PCDH9: variants seen among roughly 807,000 people sequenced by gnomAD.
PCDH9 encodes protocadherin 9.
A neutral mutation model predicts 70.6 loss-of-function variants in PCDH9; 24 were observed. The ratio of observed to expected loss-of-function variants is 0.34; its 90% confidence interval spans 0.25 to 0.48. The LOEUF (loss-of-function observed/expected upper bound fraction) is 0.48. Ranked by LOEUF, PCDH9 falls within the 20% of genes least tolerant of loss-of-function variation. The pLI, the probability that PCDH9 is intolerant of heterozygous loss-of-function variation, is 0.99. For synonymous variants in PCDH9, 562 were observed against 558.5 expected (o/e 1.01, Z -0.09); for missense variants, 1,281 against 1,503.6 (o/e 0.85, Z 2.45).
chr13:66,374,051 T>A (rs979338086), intron 4 of PCDH9, among the ~76,000 whole-genome samples: 16 of 152,102 alleles, frequency 1.1e-4, no homozygotes, highest in Non-Finnish European at 2.1e-4. Context: ...GCTAGGTTAA[T>A]TGCTGCAGGG....
At chr13:67,209,990 C>T (rs1219200123) in intron 2 of PCDH9, 1 of 152,070 alleles carries the variant, frequency 6.6e-6, no homozygotes, top group Non-Finnish European at 1.5e-5. Context: ...TGATAACTAA[C>T]ATTATCAGTC....
chr13:66,755,007 T>C (rs925119758), intron 3 of PCDH9, among the ~76,000 whole-genome samples: 3 of 152,180 alleles, frequency 2.0e-5, no homozygotes, highest in African/African-American at 2.4e-5. Flanking sequence ...AAATTACTTA[T>C]CTCACATTAC....
At chr13:66,827,544 A>C (rs1002402693) in intron 3 of PCDH9, among the ~76,000 whole-genome samples, 1 of 152,032 alleles carries the variant, frequency 6.6e-6, no homozygotes, top group Non-Finnish European at 1.5e-5. Context: ...GGCTGAAGTG[A>C]GGGAAAGTTT....
In PCDH9 at chr13:66,986,916, G is replaced by A. The variant is rs546605379; in HGVS notation, c.3037-83311C>T. Reference sequence around the variant, plus strand: ...GTGGTTCCATTACTATAGTATCTATGTATATATAATAAATAGGCATATATC... The same window carrying A: ...GTGGTTCCATTACTATAGTATCTATATATATATAATAAATAGGCATATATC... On this transcript the variant is annotated intron_variant, in intron 2 of 4. Transcript: ENST00000377865. Among the ~76,000 whole-genome samples, 10 of 151,834 alleles carry A rather than the reference G, an allele frequency of 6.6e-5. No individual in the cohort carries two copies. In the East Asian group the frequency reaches 1.4e-3, roughly 21 times the overall value.
intron 4 of PCDH9, among the ~76,000 whole-genome samples, chr13:66,379,647 A>G (rs1956808610): frequency 6.6e-6 from 1 of 152,170 alleles, no homozygotes; most frequent in South Asian, 2.1e-4. Flanking sequence ...GAGGCAGGGT[A>G]TCTATAGTGC....
In PCDH9 at chr13:66,528,748, T is replaced by C. The variant is rs80274735; in HGVS notation, c.3340+102462A>G. ...ATGTCTCCTTTTTTATTTTAAACAG[T>C]AAAACTGCCCTGATTTACAAGTTTA... On this transcript the variant is annotated intron_variant, in intron 4 of 4. Transcript: ENST00000377865. 5.7e-3 allele frequency among the ~76,000 whole-genome samples: 868 copies of C among 152,198 alleles called. 15 individuals are homozygous for C. Among genetic ancestry groups the C allele is most frequent in the South Asian group, 0.015 (70 of 4,794 alleles).
intron 2 of PCDH9, chr13:67,223,971 C>T (rs922070383): frequency 2.6e-5 from 4 of 152,126 alleles, no homozygotes; most frequent in Non-Finnish European, 5.9e-5. Flanking sequence ...TACCATGAAG[C>T]CTTAAGTCCT....
chr13:66,695,314 T>C (rs893341352), intron 3 of PCDH9, among the ~76,000 whole-genome samples: 2 of 152,238 alleles, frequency 1.3e-5, no homozygotes, highest in Non-Finnish European at 2.9e-5. Flanking sequence ...TGACACTGTC[T>C]ATTTTCAATC....
At chr13:66,564,737 A>G (rs941543065) in intron 4 of PCDH9, among the ~76,000 whole-genome samples, 1 of 152,244 alleles carries the variant, frequency 6.6e-6, no homozygotes, top group Middle Eastern at 3.4e-3. Context: ...AACACATTTT[A>G]CTATTTTCCT....
At chr13:66,696,956 G>A (rs899212041) in intron 3 of PCDH9, among the ~76,000 whole-genome samples, 1 of 151,634 alleles carries the variant, frequency 6.6e-6, no homozygotes, top group African/African-American at 2.4e-5. Flanking sequence ...GTATAATCCA[G>A]GCATGGTGGT....
intron 2 of PCDH9, among the ~76,000 whole-genome samples, chr13:67,070,051 TA>T (rs1389671439): frequency 1.3e-5 from 2 of 151,144 alleles, no homozygotes; most frequent in Non-Finnish European, 3.0e-5. Flanking sequence ...TCATGCAGGT[TA>T]AAGTATTACA....
intron 2 of PCDH9, chr13:67,213,987 A>G (rs1176302959): frequency 6.6e-6 from 1 of 152,212 alleles, no homozygotes; most frequent in Non-Finnish European, 1.5e-5. Context: ...TGCTCTAAAT[A>G]CAAATCAGTA....
chr13:66,962,687 G>C (rs2083368205), intron 2 of PCDH9, among the ~76,000 whole-genome samples: 1 of 152,112 alleles, frequency 6.6e-6, no homozygotes, highest in Non-Finnish European at 1.5e-5. Context: ...TGTATATGCA[G>C]TCCATCATTG....
At chr13:66,713,186 A>G (rs917024057) in intron 3 of PCDH9, among the ~76,000 whole-genome samples, 3 of 152,170 alleles carry the variant, frequency 2.0e-5, no homozygotes, top group African/African-American at 7.2e-5. Context: ...AAAGGCAGGT[A>G]CAGACATTAA....
chr13:66,348,245 GTCACTCT>G (rs1006320111), intron 4 of PCDH9, among the ~76,000 whole-genome samples: 2 of 151,884 alleles, frequency 1.3e-5, no homozygotes, highest in African/African-American at 4.8e-5. Context: ...TCAGTAAATT[GTCACTCT>G]TCACCCCCAA....
chr13:66,484,808 C>T (rs1958911999), intron 4 of PCDH9, among the ~76,000 whole-genome samples: 1 of 152,110 alleles, frequency 6.6e-6, no homozygotes, highest in African/African-American at 2.4e-5. Context: ...GTTTCCCTAT[C>T]TGTAGAATAA....
chr13:66,581,471 C>T (rs761323716), intron 4 of PCDH9, among the ~76,000 whole-genome samples: 15 of 152,026 alleles, frequency 9.9e-5, no homozygotes, highest in Non-Finnish European at 2.1e-4. Flanking sequence ...AAAGTGAATT[C>T]CCTGAAGTAC....
chr13:66,743,409 G>A (rs1166664343), intron 3 of PCDH9, among the ~76,000 whole-genome samples: 1 of 146,588 alleles, frequency 6.8e-6, no homozygotes. Flanking sequence ...ACGAGTTAGT[G>A]GGTGCAGCGC....
At chr13:66,919,635 G>A (rs530148444) in intron 2 of PCDH9, among the ~76,000 whole-genome samples, 1 of 151,230 alleles carries the variant, frequency 6.6e-6, no homozygotes, top group Admixed American at 6.6e-5. Flanking sequence ...TTAGTTCAGA[G>A]AGTTTGCACG....
Sources: allele counts gnomAD v4.1 joint callset (sites outside exome capture counted in the v4.1 genomes callset), GRCh38; gene constraint gnomAD v4.1.1; transcripts MANE v1.5; gene names NCBI Gene and HGNC (gene_info 2026-07-23, HGNC 2026-07-21).